The following PLCE1 variants were observed in gnomAD, a reference collection of about 807,000 sequenced individuals.
The protein encoded by PLCE1 is phospholipase C epsilon 1, also known as 1-phosphatidylinositol 4,5-bisphosphate phosphodiesterase epsilon-1.
In PLCE1, 119 loss-of-function variants were observed where a neutral mutation model predicts 242.8. The ratio of observed to expected loss-of-function variants is 0.49; its 90% confidence interval spans 0.42 to 0.57. PLCE1 has a LOEUF of 0.57. PLCE1 is among the 20% of genes least tolerant of loss of function. The probability of loss-of-function intolerance (pLI) is 0.00; values close to 1 mark genes in which losing one functional copy is unlikely to be tolerated. For synonymous variants in PLCE1, 945 were observed against 1,017.4 expected, an observed-to-expected ratio of 0.93 and a Z score of 1.35; for missense variants, 2,441 against 2,788.8, an observed-to-expected ratio of 0.88 and a Z score of 2.81.
At chr10:94,014,518 T>C (rs1029340604) in intron 1 of PLCE1, among the ~76,000 whole-genome samples, 1 of 151,868 alleles carries the variant, frequency 6.6e-6, no homozygotes, top group Non-Finnish European at 1.5e-5. Flanking sequence ...CTCTAAAAAA[T>C]AAAAAATAAA....
chr10:94,043,777 A>G (rs997255933), intron 2 of PLCE1, among the ~76,000 whole-genome samples: 1 of 152,246 alleles, frequency 6.6e-6, no homozygotes, highest in Non-Finnish European at 1.5e-5. Context: ...TTTGATGGCC[A>G]CAAACCAAAT....
intron 4 of PLCE1, among the ~76,000 whole-genome samples, chr10:94,183,487 C>G (rs1019675608): frequency 3.3e-5 from 5 of 152,214 alleles, no homozygotes; most frequent in Admixed American, 2.6e-4. Flanking sequence ...CCAGGACCTT[C>G]CCCCCTCACC....
chr10:94,045,971 A>AG (rs1449262052), intron 2 of PLCE1, among the ~76,000 whole-genome samples: 1 of 151,928 alleles, frequency 6.6e-6, no homozygotes, highest in Non-Finnish European at 1.5e-5. Flanking sequence ...GTGGTAAAAA[A>AG]AAAAAAAGTA....
At chr10:94,051,797 G>A (rs2043773786) in intron 2 of PLCE1, among the ~76,000 whole-genome samples, 1 of 152,176 alleles carries the variant, frequency 6.6e-6, no homozygotes, top group South Asian at 2.1e-4. Flanking sequence ...TTGTGATCAT[G>A]TGACTCACTA....
chr10:94,199,256 T>A (rs887518529), intron 4 of PLCE1, among the ~76,000 whole-genome samples: 4 of 152,236 alleles, frequency 2.6e-5, no homozygotes, highest in Non-Finnish European at 5.9e-5. Context: ...GGGTAGATAC[T>A]AAATTATTTT....
rs192556251 is a variant in PLCE1 at position 94,247,311 on chromosome 10, G to A, written c.3096+690G>A. On this transcript the variant is annotated intron_variant, in intron 8 of 32. Transcript: ENST00000371380. ...GGAGAACTATAATGACCCTGGTCGC[G>A]GTTTTTATTTTGTATTATATTTATA... Among the ~76,000 whole-genome samples the A allele has an allele frequency of 6.1e-4, 91 of 150,344 alleles. No individual in the cohort carries two copies. The East Asian group carries it at 0.013, about 22-fold the overall frequency.
chr10:94,271,731 C>A (rs542923890), intron 18 of PLCE1, among the ~76,000 whole-genome samples: 1 of 152,278 alleles, frequency 6.6e-6, no homozygotes, highest in South Asian at 2.1e-4. Context: ...GATAATGTAT[C>A]AGGGGAACCT....
In PLCE1 at chr10:94,167,723, A is replaced by G. The variant is rs1003587393; in HGVS notation, c.1493-3457A>G. 2.1e-3 allele frequency among the ~76,000 whole-genome samples: 271 copies of G among 129,738 alleles called. 1 individual carries two copies. Among genetic ancestry groups the G allele is most frequent in the Admixed American group, 0.01 (106 of 10,288 alleles). 85.1% of individuals were successfully genotyped at this position (129,738 alleles called of 152,430 possible). On this transcript the variant is annotated intron_variant, in intron 3 of 32. Transcript: ENST00000371380. ...TGTTCTCATTGTTCAGTTCCCACCT[A>G]TGAGTGAGAACATGTGGTGTTTGGT...
chr10:94,102,352 G>T (rs2045570461), intron 2 of PLCE1, among the ~76,000 whole-genome samples: 1 of 152,208 alleles, frequency 6.6e-6, no homozygotes, highest in Non-Finnish European at 1.5e-5. Flanking sequence ...AGTCTAAGTT[G>T]TGTTTTCCAA....
chr10:94,101,470 G>C (rs960262116), intron 2 of PLCE1, among the ~76,000 whole-genome samples: 2 of 152,198 alleles, frequency 1.3e-5, no homozygotes, highest in African/African-American at 2.4e-5. Context: ...AGTAGATAAA[G>C]AATTTATGGC....
rs149371263 is a variant in PLCE1, at chr10:94,149,187, C to T, written c.1492+16728C>T. Among the ~76,000 whole-genome samples, 792 of 152,342 alleles carry T rather than the reference C, an allele frequency of 5.2e-3. 4 individuals are homozygous for T. Among genetic ancestry groups the T allele is most frequent in the African/African-American group, 0.017 (700 of 41,570 alleles). On this transcript the variant is annotated intron_variant, in intron 3 of 32. Coordinates refer to ENST00000371380, the MANE Select transcript of PLCE1 (RefSeq NM_016341.4). Reference sequence around the variant, plus strand: ...CCCCCGTGTGCCAAGGGGTTCCATGCTGCTAAACTCCTCAGTCAGTGCATT... The same window carrying T: ...CCCCCGTGTGCCAAGGGGTTCCATGTTGCTAAACTCCTCAGTCAGTGCATT...
At chr10:94,278,892 T>G (rs2052075276) in intron 19 of PLCE1, among the ~76,000 whole-genome samples, 1 of 152,052 alleles carries the variant, frequency 6.6e-6, no homozygotes, top group South Asian at 2.1e-4. Flanking sequence ...CACATACACA[T>G]GCAGAATTAT....
At chr10:94,045,283 C>T (rs1333816362) in intron 2 of PLCE1, among the ~76,000 whole-genome samples, 3 of 152,136 alleles carry the variant, frequency 2.0e-5, no homozygotes, top group Non-Finnish European at 2.9e-5. Flanking sequence ...TGCCACCACA[C>T]CTGGCTAATC....
intron 2 of PLCE1, among the ~76,000 whole-genome samples, chr10:94,054,439 TC>T: frequency 6.6e-6 from 1 of 152,158 alleles, no homozygotes; most frequent in Non-Finnish European, 1.5e-5. Context: ...CCCTCCCTCT[TC>T]CCATCAGCCT....
chr10:94,165,421 C>T (rs1443887867), intron 3 of PLCE1, among the ~76,000 whole-genome samples: 2 of 152,198 alleles, frequency 1.3e-5, no homozygotes, highest in Non-Finnish European at 2.9e-5. Flanking sequence ...GCGTAGGACC[C>T]TCCGAGCCAG....
intron 2 of PLCE1, among the ~76,000 whole-genome samples, chr10:94,113,720 C>A (rs1402251464): frequency 2.0e-5 from 3 of 152,102 alleles, no homozygotes; most frequent in East Asian, 1.9e-4. Flanking sequence ...TGGAAGTATT[C>A]TAATAGCAAT....
chr10:94,012,412 G>A (rs565903039), intron 1 of PLCE1, among the ~76,000 whole-genome samples: 1 of 152,114 alleles, frequency 6.6e-6, no homozygotes, highest in African/African-American at 2.4e-5. Flanking sequence ...AGACTTCCCT[G>A]TGCTGCAAAC....
At position 94,327,906 on chromosome 10, in the gene PLCE1, C is replaced by T. The variant is rs535701895; in HGVS notation, c.*25-62C>T. The T allele has an allele frequency of 4.0e-5, 20 of 495,684 alleles. No homozygotes were observed. The East Asian group carries it at 1.0e-3, about 25-fold the overall frequency. The allele number at this position is 495,684 out of a possible 1,614,324, so 30.7% of individuals were successfully genotyped here. ...GGAAAACTCTGAACCCTTGGTATAC[C>T]GCAAGTGTTTCTGTTTCTTCATTTT... On this transcript the variant is annotated intron_variant, in intron 32 of 32. Transcript: ENST00000371380.
intron 2 of PLCE1, among the ~76,000 whole-genome samples, chr10:94,109,755 C>T (rs893663556): frequency 6.6e-6 from 1 of 152,122 alleles, no homozygotes; most frequent in Non-Finnish European, 1.5e-5. Context: ...ATATTAAAGA[C>T]ATAGCAGTTT....
Sources: allele counts gnomAD v4.1 joint callset (sites outside exome capture counted in the v4.1 genomes callset), GRCh38; gene constraint gnomAD v4.1.1; transcripts MANE v1.5; gene names NCBI Gene and HGNC (gene_info 2026-07-23, HGNC 2026-07-21).